The following PCDHA9 variants were observed in gnomAD, a reference collection of about 807,000 sequenced individuals.
The protein encoded by PCDHA9 is protocadherin alpha 9.
Under a neutral mutation model 62.0 loss-of-function variants are expected in PCDHA9, and 62 were observed. That is an observed-to-expected ratio of 1.00 (90% CI 0.81 to 1.23). The LOEUF is 1.23. PCDHA9 is among the 50% of genes most tolerant of loss of function. The probability of loss-of-function intolerance (pLI) is 0.00; values close to 1 mark genes in which losing one functional copy is unlikely to be tolerated. For synonymous variants in PCDHA9, 557 were observed against 567.6 expected (o/e 0.98, Z 0.27); for missense variants, 1,205 against 1,249.8 (o/e 0.96, Z 0.54).
chr5:140,881,319 T>C lies in PCDHA9; in HGVS notation c.2394+30430T>C, dbSNP rs183772489. Reference sequence around the variant, plus strand: ...AAACTTTAACCTCCTGGTTAAATTCTATTTAACCAGGACGCCGATTCGGGC... The same window carrying C: ...AAACTTTAACCTCCTGGTTAAATTCCATTTAACCAGGACGCCGATTCGGGC... On this transcript the variant is annotated intron_variant, in intron 1 of 3. Transcript: ENST00000532602. 1.0e-4 allele frequency: 101 copies of C among 979,186 alleles called. No individual in the cohort carries two copies. The African/African-American group carries it at 1.7e-3, about 17-fold the overall frequency. 60.7% of individuals were successfully genotyped at this position (979,186 alleles called of 1,614,324 possible).
At chr5:141,007,891 T>G (rs2098350311) in intron 3 of PCDHA9, among the ~76,000 whole-genome samples, 1 of 152,232 alleles carries the variant, frequency 6.6e-6, no homozygotes, top group Admixed American at 6.5e-5. Flanking sequence ...CTTTAAAAAT[T>G]TATTGTTCTT....
intron 1 of PCDHA9, chr5:140,882,976 T>A: frequency 6.2e-7 from 1 of 1,614,220 alleles, no homozygotes; most frequent in South Asian, 1.1e-5. Context: ...TGGACGTGAA[T>A]GACAACGCCC....
intron 3 of PCDHA9, among the ~76,000 whole-genome samples, chr5:141,007,792 C>A (rs2098346636): frequency 6.6e-6 from 1 of 152,166 alleles, no homozygotes. Flanking sequence ...TACAAATTAG[C>A]CTTTATCTGC....
chr5:140,967,327 C>T (rs2096128034), intron 1 of PCDHA9: 2 of 1,608,656 alleles, frequency 1.2e-6, no homozygotes, highest in Admixed American at 1.7e-5. Context: ...CCTACGAGCT[C>T]AGCCCCAGCG....
chr5:140,979,405 C>A (rs2096849045), intron 2 of PCDHA9, among the ~76,000 whole-genome samples: 1 of 151,828 alleles, frequency 6.6e-6, no homozygotes, highest in Non-Finnish European at 1.5e-5. Flanking sequence ...TGTTGTCTAC[C>A]TTGTTTTTTT....
At chr5:140,980,160 T>C (rs1408251279) in intron 2 of PCDHA9, among the ~76,000 whole-genome samples, 1 of 152,140 alleles carries the variant, frequency 6.6e-6, no homozygotes, top group East Asian at 1.9e-4. Context: ...TACCAGAATA[T>C]TAGGTATCAG....
intron 1 of PCDHA9, among the ~76,000 whole-genome samples, chr5:140,977,515 C>T (rs2096764078): frequency 6.6e-6 from 1 of 152,158 alleles, no homozygotes; most frequent in African/African-American, 2.4e-5. Context: ...ATTTTGTGAA[C>T]TTGAAAACAA....
At chr5:140,994,485 C>T (rs573689251) in intron 3 of PCDHA9, among the ~76,000 whole-genome samples, 2 of 152,146 alleles carry the variant, frequency 1.3e-5, no homozygotes, top group South Asian at 2.1e-4. Flanking sequence ...GGTGGATTGC[C>T]TGAACCCAGG....
At chr5:140,937,326 C>G (rs1287239556) in intron 1 of PCDHA9, among the ~76,000 whole-genome samples, 2 of 152,046 alleles carry the variant, frequency 1.3e-5, no homozygotes, top group Non-Finnish European at 2.9e-5. Flanking sequence ...CGTGAGCCAC[C>G]GCGCCCGGCT....
chr5:140,868,170 A>G (rs926308746), intron 1 of PCDHA9: 1 of 152,132 alleles, frequency 6.6e-6, no homozygotes, highest in Non-Finnish European at 1.5e-5. Flanking sequence ...CTAAATTTTG[A>G]TATCTCATAT....
intron 1 of PCDHA9, among the ~76,000 whole-genome samples, chr5:140,908,808 A>C (rs781863210): frequency 6.6e-6 from 1 of 152,068 alleles, no homozygotes; most frequent in Non-Finnish European, 1.5e-5. Flanking sequence ...AAAAAGTGAG[A>C]GCCTTTTGGG....
Position 140,850,689 on chromosome 5 carries a change from T to G in PCDHA9, c.2194T>G (p.Cys732Gly), listed in dbSNP as rs1554144776. Residue 732 changes from cysteine (C) to glycine (G), a missense_variant, in exon 1 of 4, where the codon TGC becomes GGC. Physicochemically the swap from Cys to Gly is radical, Grantham distance 159 (BLOSUM62 -3). This residue lies in a region of PCDHA9 where 887 missense variants were observed against 809.5 expected (regional missense o/e 1.10). Coordinates refer to ENST00000532602, the MANE Select transcript of PCDHA9 (RefSeq NM_031857.2). ...RCSAMPTEGE[C>G]APGKPTLVCS... ...CTCGGCGATGCCCACCGAGGGCGAG[T>G]GCGCGCCTGGCAAGCCGACGCTGGT... The G allele has an allele frequency of 2.5e-6, 4 of 1,594,816 alleles. No individual in the cohort carries two copies. In the South Asian group the frequency reaches 3.3e-5, roughly 13 times the overall value.
intron 3 of PCDHA9, among the ~76,000 whole-genome samples, chr5:141,004,496 C>T (rs1179748811): frequency 6.6e-6 from 1 of 152,152 alleles, no homozygotes; most frequent in Non-Finnish European, 1.5e-5. Context: ...CTTGGCAGTC[C>T]TGCTGTGAGG....
At chr5:140,925,072 G>C (rs921580794) in intron 1 of PCDHA9, among the ~76,000 whole-genome samples, 1 of 149,184 alleles carries the variant, frequency 6.7e-6, no homozygotes, top group Non-Finnish European at 1.5e-5. Context: ...AAAGCAACAC[G>C]CTCATCTGGA....
intron 1 of PCDHA9, chr5:140,966,517 A>T (rs1285058359): frequency 4.6e-6 from 2 of 435,352 alleles, no homozygotes; most frequent in Non-Finnish European, 8.0e-6. Context: ...CAGCAGCAGG[A>T]AGCCGAGCCG....
chr5:140,869,363 A>G lies in PCDHA9; in HGVS notation c.2394+18474A>G, dbSNP rs1201912812. The G allele has an allele frequency of 9.3e-6, 15 of 1,614,010 alleles. No individual in the cohort carries two copies. In the Admixed American group the frequency reaches 2.5e-4, roughly 27 times the overall value. ...CTGCAGAATGGCATTTTGTTTGTGA[A>G]TTCTCGGATCGACCGCGAGGAGCTG... On this transcript the variant is annotated intron_variant, in intron 1 of 3. Coordinates refer to ENST00000532602, the MANE Select transcript of PCDHA9 (RefSeq NM_031857.2).
rs1450217299 is a variant in PCDHA9, at chr5:140,849,237, A to G, written c.742A>G (p.Thr248Ala). Reference protein sequence around the residue: ...NAPVFDRTLYTVKLPENVSIG... With the variant: ...NAPVFDRTLYAVKLPENVSIG... Reference sequence around the variant, plus strand: ...CCCAGTGTTCGACAGAACCCTGTATACGGTGAAATTACCAGAAAACGTTTC... The same window carrying G: ...CCCAGTGTTCGACAGAACCCTGTATGCGGTGAAATTACCAGAAAACGTTTC... Residue 248 changes from threonine (T) to alanine (A), a missense_variant, in exon 1 of 4, where the codon ACG (threonine) becomes GCG (alanine). Thr to Ala is a moderately conservative substitution (Grantham distance 58). Transcript: ENST00000532602. 9.5e-7 allele frequency: 1 copy of G among 1,052,122 alleles called. No homozygotes were observed. The highest frequency in any genetic ancestry group is 1.3e-6 in the Non-Finnish European group (1 of 752,984). 65.2% of individuals were successfully genotyped at this position (1,052,122 alleles called of 1,614,324 possible). A position where few individuals can be genotyped will look rare whatever the true frequency, so the allele number is the denominator to read the frequency against.
At position 140,850,017 on chromosome 5, in the gene PCDHA9, G is replaced by A. The variant is rs149779533; in HGVS notation, c.1522G>A (p.Val508Met). The change falls in exon 1 of 4, where the codon GTG becomes ATG. Residue 508 changes from valine to methionine, a missense_variant. Transcript: ENST00000532602. ...GGGCGAGCGCTCGCTGTCGAGCTAC[G>A]TGTCAGTGCACGCGGAGAGCGGCAA... is the stretch of plus-strand genomic sequence containing the variant. ...RLGERSLSSY[V>M]SVHAESGKVY... 9,030 of 1,596,972 alleles carry A rather than the reference G, an allele frequency of 5.7e-3. 796 individuals are homozygous for A. Among genetic ancestry groups the A allele is most frequent in the South Asian group, 0.03 (2,755 of 90,494 alleles).
intron 1 of PCDHA9, among the ~76,000 whole-genome samples, chr5:140,901,937 A>G (rs2068997026): frequency 6.7e-6 from 1 of 148,692 alleles, no homozygotes; most frequent in South Asian, 2.1e-4. Context: ...ATTCCTAGGT[A>G]TATTTAGTTT....
Sources: allele counts gnomAD v4.1 joint callset (sites outside exome capture counted in the v4.1 genomes callset), GRCh38; gene constraint gnomAD v4.1.1; regional missense constraint gnomAD v4.1.1; transcripts MANE v1.5; gene names NCBI Gene and HGNC (gene_info 2026-07-23, HGNC 2026-07-21).